The following GRID2 variants were observed in gnomAD, a reference collection of about 807,000 sequenced individuals.
The protein encoded by GRID2 is glutamate ionotropic receptor delta type subunit 2, also known as glutamate receptor ionotropic, delta-2.
A neutral mutation model predicts 114.8 loss-of-function variants in GRID2; 33 were observed. The ratio of observed to expected loss-of-function variants is 0.29; its 90% CI spans 0.22 to 0.38. The LOEUF is 0.38. Among genes scored for constraint, GRID2 ranks in the 10% least tolerant of loss-of-function variants. The probability of loss-of-function intolerance (pLI) is 1.00; values close to 1 mark genes in which losing one functional copy is unlikely to be tolerated. For missense variants in GRID2, 1,184 were observed against 1,257.7 expected (o/e 0.94, Z 0.89); for synonymous variants, 505 against 449.9 (o/e 1.12, Z -1.55).
Position 92,982,485 on chromosome 4 carries a change from G to C in GRID2, c.245-102510G>C, listed in dbSNP as rs574512903. 2.5e-4 allele frequency among the ~76,000 whole-genome samples: 38 copies of C among 152,120 alleles called. No homozygotes were observed. In the South Asian group the frequency reaches 7.7e-3, roughly 31 times the overall value. ...ACCTACATAAGTTCTAAAATCATCAGAATAATTCTTCACACTTCCCATTTT... is the reference window on the plus strand; with the variant it reads ...ACCTACATAAGTTCTAAAATCATCACAATAATTCTTCACACTTCCCATTTT... On this transcript the variant is annotated intron_variant, in intron 2 of 15. Transcript: ENST00000282020.
At chr4:93,546,272 G>A (rs1214721559) in intron 13 of GRID2, among the ~76,000 whole-genome samples, 1 of 152,146 alleles carries the variant, frequency 6.6e-6, no homozygotes, top group Non-Finnish European at 1.5e-5. Context: ...TAAAAGTAAA[G>A]CGGCAATTAG....
At chr4:93,294,578 TGACA>T (rs922304957) in intron 8 of GRID2, among the ~76,000 whole-genome samples, 9 of 152,252 alleles carry the variant, frequency 5.9e-5, no homozygotes, top group Admixed American at 5.9e-4. Context: ...TGCTGGTTTG[TGACA>T]GAGTCTCACT....
chr4:92,677,358 C>T (rs1437217441), intron 2 of GRID2, among the ~76,000 whole-genome samples: 1 of 152,060 alleles, frequency 6.6e-6, no homozygotes, highest in African/African-American at 2.4e-5. Flanking sequence ...GACAAAAGAT[C>T]AGAGGAATAA....
chr4:92,902,315 C>A (rs186437982), intron 2 of GRID2, among the ~76,000 whole-genome samples: 1 of 151,916 alleles, frequency 6.6e-6, no homozygotes, highest in Non-Finnish European at 1.5e-5. Flanking sequence ...CTGATTGTGT[C>A]TATTTGAATC....
At chr4:93,502,799 A>G (rs1156955884) in intron 12 of GRID2, among the ~76,000 whole-genome samples, 3 of 150,376 alleles carry the variant, frequency 2.0e-5, no homozygotes, top group Non-Finnish European at 4.4e-5. Flanking sequence ...CTAAAGAGGG[A>G]TGATGCTAAA....
At chr4:92,634,930 A>C (rs892827518) in intron 2 of GRID2, among the ~76,000 whole-genome samples, 12 of 151,954 alleles carry the variant, frequency 7.9e-5, no homozygotes, top group African/African-American at 2.9e-4. Context: ...TCACTGGGTC[A>C]GACAGAAGTA....
At chr4:93,063,982 C>T (rs1728035430) in intron 2 of GRID2, among the ~76,000 whole-genome samples, 1 of 150,812 alleles carries the variant, frequency 6.6e-6, no homozygotes, top group African/African-American at 2.4e-5. Context: ...ATTTAAGTAA[C>T]ATAAGAAATA....
Position 92,871,282 on chromosome 4 carries a change from T to C in GRID2, c.245-213713T>C, listed in dbSNP as rs116892012. Among the ~76,000 whole-genome samples, 49 of 152,174 alleles carry C rather than the reference T, an allele frequency of 3.2e-4. No individual in the cohort carries two copies. In the East Asian group the frequency reaches 8.9e-3, roughly 28 times the overall value. On this transcript the variant is annotated intron_variant, in intron 2 of 15. Coordinates refer to ENST00000282020, the MANE Select transcript of GRID2 (RefSeq NM_001510.4). ...TTTTAAAAGAACTAAATAACTTCAA[T>C]GGTCATTTAGCCACTGGGATTCTCT...
At chr4:93,464,266 G>A (rs1206608054) in intron 11 of GRID2, among the ~76,000 whole-genome samples, 1 of 152,044 alleles carries the variant, frequency 6.6e-6, no homozygotes, top group African/African-American at 2.4e-5. Context: ...TGTTTGACAT[G>A]CCCAAACCTG....
chr4:93,163,356 GTATATATA>G (rs57285537), intron 4 of GRID2, among the ~76,000 whole-genome samples: 5,223 of 55,498 alleles, frequency 0.094, 226 homozygotes, highest in East Asian at 0.24. Flanking sequence ...TTTTTTTTGT[GTATATATA>G]TATATATATA....
chr4:92,583,876 T>C (rs1728297238), intron 1 of GRID2, among the ~76,000 whole-genome samples: 1 of 149,120 alleles, frequency 6.7e-6, no homozygotes, highest in Non-Finnish European at 1.5e-5. Flanking sequence ...TATATACACA[T>C]ATGCATATGT....
intron 11 of GRID2, among the ~76,000 whole-genome samples, chr4:93,475,971 A>G (rs72668761): frequency 0.045 from 6,838 of 152,240 alleles, 210 homozygotes; most frequent in Non-Finnish European, 0.069. Context: ...TCATCTAGAC[A>G]ATATTTACTG....
intron 2 of GRID2, among the ~76,000 whole-genome samples, chr4:93,044,468 A>T (rs1161174263): frequency 6.6e-6 from 1 of 152,138 alleles, no homozygotes; most frequent in Non-Finnish European, 1.5e-5. Flanking sequence ...GGAAAGAAGA[A>T]ATCTTTTTTA....
At chr4:93,305,836 G>A (rs1755360986) in intron 8 of GRID2, among the ~76,000 whole-genome samples, 1 of 150,784 alleles carries the variant, frequency 6.6e-6, no homozygotes, top group Admixed American at 6.6e-5. Flanking sequence ...TGTCTGCCTT[G>A]GACATAATAC....
chr4:92,348,707 A>C (rs1294476749), intron 1 of GRID2, among the ~76,000 whole-genome samples: 1 of 152,122 alleles, frequency 6.6e-6, no homozygotes, highest in Non-Finnish European at 1.5e-5. Context: ...TATTTTAAGA[A>C]AGTTTCAGGT....
intron 2 of GRID2, among the ~76,000 whole-genome samples, chr4:92,715,310 G>A (rs2149313179): frequency 6.6e-6 from 1 of 152,194 alleles, no homozygotes; most frequent in African/African-American, 2.4e-5. Context: ...ATCATTATCA[G>A]CATTTTGGTC....
At chr4:92,658,799 A>G (rs866625708) in intron 2 of GRID2, among the ~76,000 whole-genome samples, 42 of 137,124 alleles carry the variant, frequency 3.1e-4, no homozygotes, top group South Asian at 9.2e-4. Flanking sequence ...GTGTGTATAT[A>G]TATATATATA....
intron 1 of GRID2, among the ~76,000 whole-genome samples, chr4:92,328,139 T>G (rs192736033): frequency 5.9e-5 from 9 of 152,088 alleles, no homozygotes; most frequent in Non-Finnish European, 1.5e-5. Context: ...ATACACACAT[T>G]CAAGAGGGAG....
At chr4:92,775,121 C>G (rs369852959) in intron 2 of GRID2, among the ~76,000 whole-genome samples, 24 of 152,014 alleles carry the variant, frequency 1.6e-4, no homozygotes, top group African/African-American at 2.2e-4. Context: ...TTTAGTAAAC[C>G]CTGAGTTATC....
Sources: allele counts gnomAD v4.1 joint callset (sites outside exome capture counted in the v4.1 genomes callset), GRCh38; gene constraint gnomAD v4.1.1; transcripts MANE v1.5; gene names NCBI Gene and HGNC (gene_info 2026-07-23, HGNC 2026-07-21).